Variants in PTBP3 observed in about 807,000 individuals in gnomAD.
PTBP3 encodes the protein polypyrimidine tract binding protein 3.
A neutral mutation model predicts 58.7 loss-of-function variants in PTBP3; 20 were observed. The ratio of observed to expected loss-of-function variants is 0.34; its 90% CI spans 0.24 to 0.50. PTBP3 has a LOEUF of 0.50. Ranked by LOEUF, PTBP3 falls within the 20% of genes least tolerant of loss-of-function variation. The probability of loss-of-function intolerance (pLI) is 0.98; values close to 1 mark genes in which losing one functional copy is unlikely to be tolerated. For missense variants in PTBP3, 509 were observed against 637.2 expected (o/e 0.80, Z 2.17); for synonymous variants, 185 against 219.8 (o/e 0.84, Z 1.40).
At chr9:112,282,976 G>A (rs989798298) in intron 2 of PTBP3, among the ~76,000 whole-genome samples, 4 of 152,182 alleles carry the variant, frequency 2.6e-5, no homozygotes, top group Non-Finnish European at 5.9e-5. Flanking sequence ...GGTTGTATAA[G>A]TGTTTGAGAG....
At chr9:112,316,668 A>G (rs141098461) in intron 1 of PTBP3, among the ~76,000 whole-genome samples, 4,065 of 152,358 alleles carry the variant, frequency 0.027, 83 homozygotes, top group South Asian at 0.077. Flanking sequence ...GGCTGGGCAC[A>G]GTGGCTCACG....
At chr9:112,346,552 G>A in the PTBP3 span, among the ~76,000 whole-genome samples, 1 of 152,168 alleles carries the variant, frequency 6.6e-6, no homozygotes, top group Non-Finnish European at 1.5e-5. Context: ...CCAAATACAG[G>A]TACCAACCTC....
intron 1 of PTBP3, among the ~76,000 whole-genome samples, chr9:112,326,469 T>G (rs936543553): frequency 6.6e-6 from 1 of 152,218 alleles, no homozygotes; most frequent in Non-Finnish European, 1.5e-5. Flanking sequence ...CCCATAGCCA[T>G]AGTTTGCCAA....
the PTBP3 span, among the ~76,000 whole-genome samples, chr9:112,349,940 T>C: frequency 1.4e-5 from 2 of 147,962 alleles, no homozygotes; most frequent in South Asian, 2.2e-4. Context: ...TGTTGGAGAA[T>C]TGTTTGTCTG....
chr9:112,367,210 C>T, the PTBP3 span, among the ~76,000 whole-genome samples: 4 of 152,098 alleles, frequency 2.6e-5, no homozygotes, highest in Non-Finnish European at 5.9e-5. Flanking sequence ...TATTTTAATA[C>T]ATAAAAAAAC....
intron 1 of PTBP3, among the ~76,000 whole-genome samples, chr9:112,302,249 A>G (rs1237065943): frequency 6.6e-6 from 1 of 152,254 alleles, no homozygotes; most frequent in African/African-American, 2.4e-5. Flanking sequence ...AAAGGGATAC[A>G]ACAGCTCAAG....
At chr9:112,326,052 A>G (rs1156673868) in intron 1 of PTBP3, among the ~76,000 whole-genome samples, 1 of 152,158 alleles carries the variant, frequency 6.6e-6, no homozygotes, top group African/African-American at 2.4e-5. Context: ...ATCTCTGGTG[A>G]TAGAAATCAG....
intron 1 of PTBP3, chr9:112,333,038 G>C (rs887125998): frequency 1.6e-4 from 205 of 1,271,208 alleles, no homozygotes; most frequent in Admixed American, 3.7e-4. Context: ...CCGGTAAACA[G>C]CAACTCCCCC....
intron 2 of PTBP3, among the ~76,000 whole-genome samples, chr9:112,286,416 G>T (rs1828117674): frequency 6.8e-6 from 1 of 148,148 alleles, no homozygotes; most frequent in Admixed American, 6.7e-5. Context: ...TTTATTTTTT[G>T]GTATTCTATT....
intron 2 of PTBP3, among the ~76,000 whole-genome samples, chr9:112,283,079 C>A (rs1463600936): frequency 6.6e-6 from 1 of 152,206 alleles, no homozygotes; most frequent in Non-Finnish European, 1.5e-5. Flanking sequence ...GCCTCGCCTG[C>A]CATGTGAAAC....
At chr9:112,332,766 ACAT>A in intron 1 of PTBP3, 2 of 1,611,962 alleles carry the variant, frequency 1.2e-6, no homozygotes, top group Non-Finnish European at 1.7e-6. Context: ...AATCGCTCGT[ACAT>A]CATATTTTAC....
intron 3 of PTBP3, among the ~76,000 whole-genome samples, chr9:112,273,318 A>G (rs1827468405): frequency 6.6e-6 from 1 of 152,222 alleles, no homozygotes; most frequent in South Asian, 2.1e-4. Context: ...TGTCAGTAAT[A>G]TATTTTTTCT....
At position 112,263,048 on chromosome 9, in the gene PTBP3, T is replaced by C. The variant is rs560253970; in HGVS notation, c.352-449A>G. 4.6e-5 allele frequency among the ~76,000 whole-genome samples: 7 copies of C among 152,052 alleles called. No homozygotes were observed. In the Middle Eastern group the frequency reaches 0.014, roughly 296 times the overall value. On this transcript the variant is annotated intron_variant, in intron 4 of 13. Transcript: ENST00000374257. ...TGATTCCAGAACTGGGGCCCAGAAA[T>C]CACAAGAAGAGTATAAAATATTTTT...
At chr9:112,362,095 T>C in the PTBP3 span, among the ~76,000 whole-genome samples, 3 of 152,232 alleles carry the variant, frequency 2.0e-5, no homozygotes, top group African/African-American at 7.2e-5. Flanking sequence ...TCCCAGCACT[T>C]TGGGAGGCTG....
At position 112,223,892 on chromosome 9, in the gene PTBP3, T is replaced by C. The variant is rs756664485; in HGVS notation, c.1534A>G (p.Asn512Asp). The change falls in exon 14 of 14, where the codon AAT becomes GAT. Residue 512 changes from asparagine to aspartate, a missense_variant. Physicochemically the swap from Asn to Asp is conservative, Grantham distance 23. This residue lies in a region of PTBP3 where 135 missense variants were observed against 229.0 expected (regional missense o/e 0.59). Transcript: ENST00000374257. Reference sequence around the variant, plus strand: ...GAGAAGGAAACTCTGAGGTGGTGATTTTCTCCAAGGTCATGGTTATGAAGC... The same window carrying C: ...GAGAAGGAAACTCTGAGGTGGTGATCTTCTCCAAGGTCATGGTTATGAAGC... ...IELHNHDLGE[N>D]HHLRVSFSKS... The C allele has an allele frequency of 2.0e-5, 33 of 1,613,464 alleles. No homozygotes were observed. The highest frequency in any genetic ancestry group is 2.7e-5 in the Non-Finnish European group (32 of 1,179,668).
chr9:112,267,431 C>T lies in PTBP3; in HGVS notation c.351+618G>A, dbSNP rs902366368. On this transcript the variant is annotated intron_variant, in intron 4 of 13. Transcript: ENST00000374257. ...ATCCACCCGCCTCGGCCTCCCAAAC[C>T]GCGCCCGGCCAAAAACCACCTTCTT... Among the ~76,000 whole-genome samples the T allele has an allele frequency of 2.0e-5, 3 of 152,088 alleles. No individual in the cohort carries two copies. The South Asian group carries it at 6.2e-4, about 32-fold the overall frequency.
Position 112,276,014 on chromosome 9 carries a change from C to G in PTBP3, c.35-1G>C. ...AATTTCTTGCTGTCATTCCCATTAGCTAAAAAACATAAGATTCTTTTTTAA... is the reference window on the plus strand; with the variant it reads ...AATTTCTTGCTGTCATTCCCATTAGGTAAAAAACATAAGATTCTTTTTTAA... On this transcript the variant is annotated splice_acceptor_variant, in intron 2 of 13. Transcript: ENST00000374257. LOFTEE classifies it high-confidence loss of function. 9 of 1,609,212 alleles carry G rather than the reference C, an allele frequency of 5.6e-6. No homozygotes were observed. Among genetic ancestry groups the G allele is most frequent in the Non-Finnish European group, 7.6e-6 (9 of 1,176,582 alleles).
intron 2 of PTBP3, among the ~76,000 whole-genome samples, chr9:112,285,253 C>T (rs1299232096): frequency 6.6e-6 from 1 of 152,178 alleles, no homozygotes; most frequent in South Asian, 2.1e-4. Flanking sequence ...CTCCTTCACA[C>T]TCACTCTCTC....
At chr9:112,312,738 G>GA (rs1829542162) in intron 1 of PTBP3, among the ~76,000 whole-genome samples, 1 of 151,812 alleles carries the variant, frequency 6.6e-6, no homozygotes, top group Non-Finnish European at 1.5e-5. Context: ...AGTACACTAA[G>GA]AAAAAATAAA....
Sources: gnomAD v4.1 joint callset for allele counts (sites outside exome capture counted in the v4.1 genomes callset) on GRCh38, gnomAD v4.1.1 for gene constraint, gnomAD v4.1.1 regional missense constraint, MANE v1.5 for transcripts, NCBI Gene and HGNC (gene_info 2026-07-23, HGNC 2026-07-21) for gene names.